The following TOX4 variants were observed in gnomAD, a reference collection of about 807,000 sequenced individuals.
TOX4 encodes the protein epidermal Langerhans cell protein LCP1.
TOX4 carries 12 observed loss-of-function variants against 61.0 expected under a neutral mutation model. That is an observed-to-expected ratio of 0.20 (90% confidence interval 0.13 to 0.32). The LOEUF is 0.32. TOX4 is among the 10% of genes least tolerant of loss of function. TOX4 has a pLI of 1.00. For missense variants in TOX4, 499 were observed against 753.3 expected, an observed-to-expected ratio of 0.66 and a Z score of 3.95; for synonymous variants, 268 against 274.8, an observed-to-expected ratio of 0.98 and a Z score of 0.24.
chr14:21,484,239 T>G (rs916096397), intron 2 of TOX4, among the ~76,000 whole-genome samples: 19 of 151,460 alleles, frequency 1.3e-4, no homozygotes, highest in African/African-American at 4.1e-4. Flanking sequence ...TAGGAAACTT[T>G]TACAAATGTG....
intron 2 of TOX4, among the ~76,000 whole-genome samples, chr14:21,486,819 C>CT (rs1027920426): frequency 5.3e-5 from 8 of 152,130 alleles, no homozygotes; most frequent in African/African-American, 1.9e-4. Flanking sequence ...GCAAGACTAG[C>CT]ATTTTTGGCA....
chr14:21,495,943 G>C (rs1253023400), intron 8 of TOX4: 2 of 152,826 alleles, frequency 1.3e-5, no homozygotes, highest in African/African-American at 4.8e-5. Context: ...ATATTTTCAA[G>C]GTGATACTAT....
chr14:21,478,968 TA>T (rs1891061376), intron 2 of TOX4, among the ~76,000 whole-genome samples: 1 of 30,714 alleles, frequency 3.3e-5, no homozygotes, highest in Non-Finnish European at 7.6e-5. Flanking sequence ...CACACCCAGC[TA>T]ATTTTTTTTT....
Position 21,497,324 on chromosome 14 carries a change from A to G in TOX4, c.*718A>G, listed in dbSNP as rs1891423830. 6.6e-6 allele frequency: 1 copy of G among 152,134 alleles called. No individual in the cohort carries two copies. The highest frequency in any genetic ancestry group is 6.6e-5 in the Admixed American group (1 of 15,260). The allele number at this position is 152,134 out of a possible 1,614,324, so 9.4% of individuals were successfully genotyped here. On this transcript the variant is annotated 3_prime_UTR_variant, in exon 9 of 9. Coordinates refer to ENST00000448790, the MANE Select transcript of TOX4 (RefSeq NM_014828.4). ...TTATTTCTTAGACATAATCTAAAGA[A>G]AAACAGACTAGAGAAGCCACCTGGT...
In TOX4 at chr14:21,489,248, G is replaced by A. The variant is rs532583739; in HGVS notation, c.655G>A (p.Asp219Asn). ...GGCCCCAAAGAAGAGAAAAAAGAAA[G>A]ATCCTAATGAACCTCAGAAACCAGT... ...QKAPKKRKKKDPNEPQKPVSA... is the reference protein window; with the variant it reads ...QKAPKKRKKKNPNEPQKPVSA... The change falls in exon 5 of 9, where the codon GAT becomes AAT. Residue 219 changes from aspartate (D) to asparagine (N), a missense_variant. By Grantham distance (23) the Asp-to-Asn change is conservative (BLOSUM62 1). Transcript: ENST00000448790. 6.2e-6 allele frequency: 10 copies of A among 1,614,180 alleles called. No homozygotes were observed. In the South Asian group the frequency reaches 9.9e-5, roughly 16 times the overall value.
chr14:21,477,224 AG>A lies in TOX4; in HGVS notation c.-54del, dbSNP rs1891005052. The A allele has an allele frequency of 6.2e-7, 1 of 1,614,058 alleles. No individual in the cohort carries two copies. The highest frequency in any genetic ancestry group is 1.1e-5 in the South Asian group (1 of 91,080). On this transcript the variant is annotated 5_prime_UTR_variant, in exon 1 of 9. It adds an upstream start codon to the 5' untranslated region. Transcript: ENST00000448790. ...CGGAAGTGACGGCAGTTCCGAGTCC[AG>A]TGGGGGCGGTGGGAGCGATGAGGGT...
Position 21,496,814 on chromosome 14 carries a change from C to T in TOX4, c.*208C>T, listed in dbSNP as rs1259425418. ...GTAATCTGGAGATGCTTTTTACTTT[C>T]AACCATAAGCGGTAATAGCAGAGGA... On this transcript the variant is annotated 3_prime_UTR_variant, in exon 9 of 9. Transcript: ENST00000448790. 5.6e-6 allele frequency: 3 copies of T among 533,648 alleles called. No individual in the cohort carries two copies. Among genetic ancestry groups the T allele is most frequent in the African/African-American group, 1.9e-5 (1 of 52,166 alleles). The allele number at this position is 533,648 out of a possible 1,614,324, so 33.1% of individuals were successfully genotyped here. A position where few individuals can be genotyped will look rare whatever the true frequency, so the allele number is the denominator to read the frequency against.
rs544618127 is a variant in TOX4, at chr14:21,488,932, T to A, written c.579+82T>A. 8 of 1,557,436 alleles carry A rather than the reference T, an allele frequency of 5.1e-6. No individual in the cohort carries two copies. In the African/African-American group the frequency reaches 8.1e-5, roughly 16 times the overall value. ...GGGATACAGAGCCTAATCAGTATTC[T>A]TTACCCTTGCCGTGCCATCTCCTCT... is the stretch of plus-strand genomic sequence containing the variant. On this transcript the variant is annotated intron_variant, in intron 4 of 8. Transcript: ENST00000448790.
At chr14:21,480,922 C>A (rs1201051645) in intron 2 of TOX4, among the ~76,000 whole-genome samples, 1 of 152,042 alleles carries the variant, frequency 6.6e-6, no homozygotes, top group Non-Finnish European at 1.5e-5. Flanking sequence ...GAAACCCCTT[C>A]TCTACTAAAA....
At position 21,495,244 on chromosome 14, in the gene TOX4, CAGAT is replaced by C; in HGVS notation, c.1658_1661del (p.Gln553ArgfsTer6). The C allele has an allele frequency of 6.2e-7, 1 of 1,614,086 alleles. No individual in the cohort carries two copies. Among genetic ancestry groups the C allele is most frequent in the Non-Finnish European group, 8.5e-7 (1 of 1,180,004 alleles). On this transcript the variant is annotated frameshift_variant, in exon 8 of 9. Transcript: ENST00000448790. LOFTEE classifies it high-confidence loss of function. ...CTTCTCACAGGTTGAGTCTCCTTCTCAGATGGATGTTGAATTGGTGAGTGGGTCT... is the reference window on the plus strand; with the variant it reads ...CTTCTCACAGGTTGAGTCTCCTTCTCGGATGTTGAATTGGTGAGTGGGTCT...
At position 21,495,296 on chromosome 14, in the gene TOX4, C is replaced by CTCG; in HGVS notation, c.1710_1712dup (p.Arg571dup). ...TCTCCTGTGGCACTCTCACCCCAGC[C>CTCG]TCGATGTGTGAGGTCTGGTTGTGAG... On this transcript the variant is annotated inframe_insertion, in exon 8 of 9. Coordinates refer to ENST00000448790, the MANE Select transcript of TOX4 (RefSeq NM_014828.4). 1 of 1,614,026 alleles carries CTCG rather than the reference C, an allele frequency of 6.2e-7. No homozygotes were observed. The highest frequency in any genetic ancestry group is 2.2e-5 in the East Asian group (1 of 44,886).
At chr14:21,495,577 T>A (rs1245885936) in intron 8 of TOX4, 185 bp downstream of exon 8, 6 of 574,326 alleles carry the variant, frequency 1.0e-5, no homozygotes, top group Non-Finnish European at 1.8e-5. Flanking sequence ...AAGCCAAAGA[T>A]GATGTAATCA....
rs1325680141 is a variant in TOX4 at position 21,495,339 on chromosome 14, T to C, written c.1752T>C (p.Ser584=). Residue 584 remains serine, a synonymous_variant, in exon 8 of 9, where the codon AGT becomes AGC. Coordinates refer to ENST00000448790, the MANE Select transcript of TOX4 (RefSeq NM_014828.4). The stretch of plus-strand genomic sequence containing the variant: ...GTTGTGAGAACCCTCCCATTGTGAG[T>C]AAGGACTGGGACAATGAATACTGCA... ...RSGCENPPIV[S]KDWDNEYCSN... 3.7e-6 allele frequency: 6 copies of C among 1,613,966 alleles called. No individual in the cohort carries two copies. The highest frequency in any genetic ancestry group is 5.1e-6 in the Non-Finnish European group (6 of 1,180,012).
At chr14:21,483,245 T>C (rs1336287589) in intron 2 of TOX4, among the ~76,000 whole-genome samples, 1 of 152,208 alleles carries the variant, frequency 6.6e-6, no homozygotes, top group East Asian at 1.9e-4. Flanking sequence ...ACAAAGTTGC[T>C]GTTTTGTTGT....
At chr14:21,490,194 T>G (rs770696001) in intron 5 of TOX4, among the ~76,000 whole-genome samples, 1 of 150,620 alleles carries the variant, frequency 6.6e-6, no homozygotes, top group Non-Finnish European at 1.5e-5. Context: ...ATAATTGTTA[T>G]AGGCCGGGCG....
chr14:21,498,315 A>G lies in TOX4; in HGVS notation c.*1709A>G, dbSNP rs762881898. The G allele has an allele frequency of 6.2e-6, 10 of 1,614,074 alleles. No homozygotes were observed. The South Asian group carries it at 7.7e-5, about 12-fold the overall frequency. On this transcript the variant is annotated 3_prime_UTR_variant, in exon 9 of 9. Coordinates refer to ENST00000448790, the MANE Select transcript of TOX4 (RefSeq NM_014828.4). The stretch of plus-strand genomic sequence containing the variant: ...CTGGGTACCTTTGCTTGAACCGTGC[A>G]ACCACATCTGGGTCTAGTAGGTGGA...
Position 21,498,246 on chromosome 14 carries a change from A to G in TOX4, c.*1640A>G. On this transcript the variant is annotated 3_prime_UTR_variant, in exon 9 of 9. Transcript: ENST00000448790. ...CATGGCTATGGATTCTTAGCTCTGT[A>G]AGGAAGTGCTTCTATAAATTCTTAG... 6.8e-7 allele frequency: 1 copy of G among 1,464,442 alleles called. No homozygotes were observed. Among genetic ancestry groups the G allele is most frequent in the Non-Finnish European group, 9.6e-7 (1 of 1,043,532 alleles). 90.7% of individuals were successfully genotyped at this position (1,464,442 alleles called of 1,614,324 possible).
In TOX4 at chr14:21,487,711, G is replaced by C; in HGVS notation, c.318+18G>C. ...TGACCATGGTAAGGGGCAAGACATT[G>C]TCAGGCTTACCCCAGCTAATGGGCA... is the stretch of plus-strand genomic sequence containing the variant. On this transcript the variant is annotated intron_variant, in intron 3 of 8. Transcript: ENST00000448790. 6.2e-7 allele frequency: 1 copy of C among 1,601,308 alleles called. No individual in the cohort carries two copies. The highest frequency in any genetic ancestry group is 8.5e-7 in the Non-Finnish European group (1 of 1,170,668).
chr14:21,496,290 G>A (rs569015174), intron 8 of TOX4: 16 of 298,872 alleles, frequency 5.4e-5, no homozygotes, highest in Middle Eastern at 1.1e-3. Flanking sequence ...CACTTTGGGA[G>A]GCCAAAGCGG....
Sources: gnomAD v4.1 joint callset for allele counts (sites outside exome capture counted in the v4.1 genomes callset) on GRCh38, gnomAD v4.1.1 for gene constraint, MANE v1.5 for transcripts, NCBI Gene and HGNC (gene_info 2026-07-23, HGNC 2026-07-21) for gene names.